UGT1A8: variants seen among roughly 807,000 people sequenced by gnomAD.
UGT1A8 encodes UDP glucuronosyltransferase family 1 member A8, also known as UDP-glucuronosyltransferase 1A8.
In UGT1A8, 39 loss-of-function variants were observed where a neutral mutation model predicts 45.3. The observed-to-expected ratio is 0.86, with a 90% confidence interval of 0.67 to 1.12. UGT1A8 has a LOEUF of 1.12. Among genes scored for constraint, UGT1A8 ranks in the 50% most tolerant of loss-of-function variants. The pLI, the probability that UGT1A8 is intolerant of heterozygous loss-of-function variation, is 0.00. For synonymous variants in UGT1A8, 275 were observed against 249.2 expected (o/e 1.10, Z -0.97); for missense variants, 719 against 664.9 (o/e 1.08, Z -0.90).
chr2:233,768,875 C>T (rs543311550), intron 4 of UGT1A8, among the ~76,000 whole-genome samples: 45 of 152,066 alleles, frequency 3.0e-4, no homozygotes, highest in African/African-American at 8.0e-4. Context: ...TGAGCCAGCG[C>T]GTCTGACCTG....
intron 1 of UGT1A8, among the ~76,000 whole-genome samples, chr2:233,679,551 TTTTG>T (rs1047606927): frequency 6.6e-6 from 1 of 152,154 alleles, no homozygotes; most frequent in Non-Finnish European, 1.5e-5. Context: ...TCATCTTTTT[TTTTG>T]TTTGTTTGTT....
At chr2:233,759,599 A>ACCCCCCCCCC (rs1553620419) in intron 1 of UGT1A8, among the ~76,000 whole-genome samples, 229 of 108,538 alleles carry the variant, frequency 2.1e-3, no homozygotes, top group African/African-American at 3.4e-3. Flanking sequence ...CCCACCCCCG[A>ACCCCCCCCCC]CCCGCCCCAC....
At position 233,618,550 on chromosome 2, in the gene UGT1A8, G is replaced by C. The variant is rs761828480; in HGVS notation, c.843G>C (p.Lys281Asn). 3.1e-6 allele frequency: 5 copies of C among 1,613,388 alleles called. No individual in the cohort carries two copies. Among genetic ancestry groups the C allele is most frequent in the Admixed American group, 1.7e-5 (1 of 60,012 alleles). ...FIGGINCHQG[K>N]PLPMEFEAYI... ...GTGGTATCAACTGCCATCAGGGAAAGCCATTGCCTATGGTAAGTCACCTCT... is the reference window on the plus strand; with the variant it reads ...GTGGTATCAACTGCCATCAGGGAAACCCATTGCCTATGGTAAGTCACCTCT... The change falls in exon 1 of 5, where the codon AAG becomes AAC. Residue 281 changes from lysine (K) to asparagine (N), a missense_variant. Coordinates refer to ENST00000373450, the MANE Select transcript of UGT1A8 (RefSeq NM_019076.5).
intron 1 of UGT1A8, among the ~76,000 whole-genome samples, chr2:233,680,256 G>T (rs1055493674): frequency 6.6e-6 from 1 of 152,062 alleles, no homozygotes; most frequent in Admixed American, 6.6e-5. Flanking sequence ...CACTAAACAT[G>T]ATGAAAAATA....
At chr2:233,753,836 T>C (rs1228846526) in intron 1 of UGT1A8, among the ~76,000 whole-genome samples, 5 of 152,234 alleles carry the variant, frequency 3.3e-5, no homozygotes, top group African/African-American at 1.2e-4. Context: ...AAGACAGTCC[T>C]AGTATATCAT....
intron 1 of UGT1A8, among the ~76,000 whole-genome samples, chr2:233,660,113 A>AG: frequency 6.6e-6 from 1 of 152,330 alleles, no homozygotes; most frequent in East Asian, 1.9e-4. Context: ...GTCACGCACA[A>AG]CATCTGGACA....
At chr2:233,675,885 C>T (rs925540036) in intron 1 of UGT1A8, among the ~76,000 whole-genome samples, 27 of 152,070 alleles carry the variant, frequency 1.8e-4, no homozygotes, top group Admixed American at 1.2e-3. Context: ...GCCACAATAT[C>T]ATTATCATAT....
chr2:233,742,187 T>C (rs1222012663), intron 1 of UGT1A8, among the ~76,000 whole-genome samples: 1 of 151,602 alleles, frequency 6.6e-6, no homozygotes, highest in East Asian at 1.9e-4. Context: ...GAGTGTGGAG[T>C]GGGAAATCAG....
intron 1 of UGT1A8, among the ~76,000 whole-genome samples, chr2:233,643,187 G>A (rs1480005326): frequency 1.3e-5 from 2 of 152,242 alleles, no homozygotes; most frequent in Admixed American, 6.5e-5. Flanking sequence ...CCATCTAGGA[G>A]TCAGGGACTA....
intron 1 of UGT1A8, among the ~76,000 whole-genome samples, chr2:233,661,623 TTTTCTTTCTTTCTTTCTTTCTTTCTTTC>T (rs55749169): frequency 8.1e-5 from 10 of 123,952 alleles, no homozygotes; most frequent in Admixed American, 7.5e-4. Flanking sequence ...ACTTACTGAA[TTTTCTTTCTTTCTTTCTTTCTTTCTTTC>T]TTTCTTTCTT....
At chr2:233,761,289 C>G in intron 1 of UGT1A8, 1 of 1,541,658 alleles carries the variant, frequency 6.5e-7, no homozygotes, top group Non-Finnish European at 8.8e-7. Context: ...ATTTTTGACT[C>G]CTAGGTTTGA....
intron 1 of UGT1A8, among the ~76,000 whole-genome samples, chr2:233,636,294 C>A (rs947208772): frequency 6.6e-6 from 1 of 151,976 alleles, no homozygotes; most frequent in South Asian, 2.1e-4. Context: ...AGGCGAAGAC[C>A]ATAATCTACT....
intron 1 of UGT1A8, among the ~76,000 whole-genome samples, chr2:233,636,227 A>T (rs2073286723): frequency 6.9e-6 from 1 of 145,094 alleles, no homozygotes; most frequent in Non-Finnish European, 1.5e-5. Context: ...TTCAAGGTCC[A>T]AAAGCATTGC....
chr2:233,679,767 T>G (rs1304218276), intron 1 of UGT1A8, among the ~76,000 whole-genome samples: 1 of 152,176 alleles, frequency 6.6e-6, no homozygotes, highest in African/African-American at 2.4e-5. Context: ...TTGTTGCCAT[T>G]AAATTCTCCA....
In UGT1A8 at chr2:233,750,001, G is replaced by A. The variant is rs1213744454; in HGVS notation, c.856-17033G>A. On this transcript the variant is annotated intron_variant, in intron 1 of 4. Coordinates refer to ENST00000373450, the MANE Select transcript of UGT1A8 (RefSeq NM_019076.5). ...TGAGAATGGACTAATATATTAAATTGGTGCCATGGAGAGTGGAGTACTGCT... is the reference window on the plus strand; with the variant it reads ...TGAGAATGGACTAATATATTAAATTAGTGCCATGGAGAGTGGAGTACTGCT... Among the ~76,000 whole-genome samples the A allele has an allele frequency of 7.9e-5, 12 of 151,794 alleles. 1 individual carries two copies. Among genetic ancestry groups the A allele is most frequent in the African/African-American group, 2.7e-4 (11 of 41,062 alleles).
chr2:233,655,072 G>C (rs974066280), intron 1 of UGT1A8, among the ~76,000 whole-genome samples: 1 of 151,822 alleles, frequency 6.6e-6, no homozygotes, highest in African/African-American at 2.4e-5. Flanking sequence ...CTGGGCAACA[G>C]AGCAAGATTC....
At chr2:233,718,963 T>C (rs138086321) in intron 1 of UGT1A8, 288 of 1,614,194 alleles carry the variant, frequency 1.8e-4, no homozygotes, top group South Asian at 4.9e-4. Context: ...CGGGAGGCCT[T>C]GCGGGAGCTC....
intron 1 of UGT1A8, among the ~76,000 whole-genome samples, chr2:233,709,952 G>A (rs1319460026): frequency 6.6e-6 from 1 of 152,152 alleles, no homozygotes; most frequent in Non-Finnish European, 1.5e-5. Context: ...TCTGTTGCTG[G>A]ATAACAGAAT....
chr2:233,747,270 T>C (rs1378649529), intron 1 of UGT1A8: 110 of 1,598,986 alleles, frequency 6.9e-5, no homozygotes, highest in Non-Finnish European at 9.1e-5. Context: ...TGCTACTCCT[T>C]CTCAGTGCCC....
Sources: allele counts gnomAD v4.1 joint callset (sites outside exome capture counted in the v4.1 genomes callset), GRCh38; gene constraint gnomAD v4.1.1; transcripts MANE v1.5; gene names NCBI Gene and HGNC (gene_info 2026-07-23, HGNC 2026-07-21).